DPH6: variants seen among roughly 807,000 people sequenced by gnomAD.
DPH6 encodes the protein diphthine--ammonia ligase.
A neutral mutation model predicts 38.2 loss-of-function variants in DPH6; 33 were observed. The ratio of observed to expected loss-of-function variants is 0.86; its 90% CI spans 0.65 to 1.15. The LOEUF is 1.15. Ranked by LOEUF, DPH6 falls within the 50% of genes most tolerant of loss-of-function variation. The probability of loss-of-function intolerance (pLI) is 0.00; values close to 1 mark genes in which losing one functional copy is unlikely to be tolerated. For missense variants in DPH6, 325 were observed against 320.0 expected, an observed-to-expected ratio of 1.02 and a Z score of -0.12; for synonymous variants, 108 against 103.0, an observed-to-expected ratio of 1.05 and a Z score of -0.30.
At chr15:35,521,446 T>C (rs1390354384) in intron 3 of DPH6, 106 of 1,168,032 alleles carry the variant, frequency 9.1e-5, no homozygotes, top group Non-Finnish European at 1.1e-4. Flanking sequence ...AAATTAAACA[T>C]AGGCTGATTG....
At chr15:35,289,817 T>A (rs1595462864) in intron 3 of DPH6, among the ~76,000 whole-genome samples, 1 of 152,246 alleles carries the variant, frequency 6.6e-6, no homozygotes, top group Non-Finnish European at 1.5e-5. Flanking sequence ...TGCACTAAAA[T>A]TGATTATTTT....
downstream of DPH6, among the ~76,000 whole-genome samples, chr15:35,366,656 C>T (rs2052664051): frequency 6.6e-6 from 1 of 151,848 alleles, no homozygotes. Context: ...CTCATTCATA[C>T]ATAAATAAAC....
chr15:35,296,804 C>CTTTT (rs772132282), intron 3 of DPH6, among the ~76,000 whole-genome samples: 4 of 127,332 alleles, frequency 3.1e-5, no homozygotes, highest in Admixed American at 7.9e-5. Context: ...GGCCTGGCTT[C>CTTTT]TTTTTTTTTT....
intron 3 of DPH6, among the ~76,000 whole-genome samples, chr15:35,324,727 G>A (rs902882034): frequency 4.0e-5 from 6 of 151,822 alleles, no homozygotes; most frequent in Middle Eastern, 3.4e-3. Context: ...ACCAAAACAA[G>A]CACAAAAAAG....
chr15:35,294,245 T>C (rs2051999688), intron 3 of DPH6, among the ~76,000 whole-genome samples: 1 of 152,348 alleles, frequency 6.6e-6, no homozygotes, highest in Middle Eastern at 3.4e-3. Flanking sequence ...CCCTCAGTCC[T>C]TGAAGAACTA....
At chr15:35,443,921 C>T (rs76462745) in intron 5 of DPH6, among the ~76,000 whole-genome samples, 426 of 152,242 alleles carry the variant, frequency 2.8e-3, no homozygotes, top group African/African-American at 9.9e-3. Context: ...TCAAATCAGA[C>T]TCAAACAAAT....
At chr15:35,179,172 C>T in the DPH6 span, among the ~76,000 whole-genome samples, 1 of 145,660 alleles carries the variant, frequency 6.9e-6, no homozygotes, top group African/African-American at 2.5e-5. Flanking sequence ...CGCCATTGCA[C>T]CCCAGCCTGT....
chr15:35,384,471 C>T (rs2052917096), intron 6 of DPH6, among the ~76,000 whole-genome samples: 1 of 152,046 alleles, frequency 6.6e-6, no homozygotes, highest in Non-Finnish European at 1.5e-5. Context: ...GAACTAGATG[C>T]TAATAGCCTT....
chr15:35,327,244 T>C (rs531907028), downstream of DPH6, among the ~76,000 whole-genome samples: 2 of 152,180 alleles, frequency 1.3e-5, no homozygotes, highest in Non-Finnish European at 1.5e-5. Context: ...AGTTGTAGTC[T>C]AGTTTGTAAA....
chr15:35,259,140 G>A (rs1162038781), intron 3 of DPH6, among the ~76,000 whole-genome samples: 11 of 76,852 alleles, frequency 1.4e-4, no homozygotes, highest in African/African-American at 2.5e-4. Context: ...GCAAGACTCC[G>A]TCTCAAAAAA....
intron 5 of DPH6, among the ~76,000 whole-genome samples, chr15:35,427,241 A>T (rs530390711): frequency 1.5e-4 from 23 of 151,962 alleles, no homozygotes; most frequent in African/African-American, 5.1e-4. Flanking sequence ...TTCTGAGAAA[A>T]ACAGTGGGGT....
intron 5 of DPH6, among the ~76,000 whole-genome samples, chr15:35,417,069 A>G (rs1224441485): frequency 6.6e-6 from 1 of 152,082 alleles, no homozygotes; most frequent in Non-Finnish European, 1.5e-5. Flanking sequence ...CAAACTATTA[A>G]TACATGAAAA....
At chr15:35,290,404 A>G (rs149242839) in intron 3 of DPH6, among the ~76,000 whole-genome samples, 1 of 152,308 alleles carries the variant, frequency 6.6e-6, no homozygotes, top group East Asian at 1.9e-4. Flanking sequence ...GCAGACACCA[A>G]TAATACATGA....
the DPH6 span, among the ~76,000 whole-genome samples, chr15:35,180,120 G>C: frequency 1.3e-5 from 2 of 151,866 alleles, no homozygotes; most frequent in African/African-American, 4.8e-5. Flanking sequence ...AGAGAGAGAA[G>C]GTGACTGTCA....
At chr15:35,403,675 T>C (rs2053251718) in intron 6 of DPH6, among the ~76,000 whole-genome samples, 1 of 151,954 alleles carries the variant, frequency 6.6e-6, no homozygotes, top group Non-Finnish European at 1.5e-5. Flanking sequence ...GCTTGGCTAG[T>C]TTTTTCATAT....
intron 3 of DPH6, among the ~76,000 whole-genome samples, chr15:35,312,010 GAAAAA>G (rs10573455): frequency 0.029 from 2,987 of 102,220 alleles, 77 homozygotes; most frequent in African/African-American, 0.1. Flanking sequence ...TTAAGAAAAT[GAAAAA>G]AAAAAAAAAA....
chr15:35,269,669 A>G (rs1311622134), intron 3 of DPH6, among the ~76,000 whole-genome samples: 1 of 148,174 alleles, frequency 6.7e-6, no homozygotes, highest in Non-Finnish European at 1.5e-5. Flanking sequence ...CGATCTCCTG[A>G]CCTCGTGATC....
At chr15:35,210,935 T>C in the DPH6 span, among the ~76,000 whole-genome samples, 2 of 140,098 alleles carry the variant, frequency 1.4e-5, no homozygotes, top group Non-Finnish European at 3.0e-5. Flanking sequence ...TCTAAGGACA[T>C]AGATAGATCA....
At chr15:35,281,932 C>A (rs913504879) in intron 3 of DPH6, among the ~76,000 whole-genome samples, 11 of 152,126 alleles carry the variant, frequency 7.2e-5, no homozygotes, top group Non-Finnish European at 1.2e-4. Context: ...AAATCAATTT[C>A]TTGTATATTG....
Sources: allele counts gnomAD v4.1 joint callset (sites outside exome capture counted in the v4.1 genomes callset), GRCh38; gene constraint gnomAD v4.1.1; transcripts MANE v1.5; gene names NCBI Gene and HGNC (gene_info 2026-07-23, HGNC 2026-07-21).